The following SPTBN2 variants were observed in gnomAD, a reference collection of about 807,000 sequenced individuals.
SPTBN2 encodes spectrin beta, non-erythrocytic 2.
In SPTBN2, 107 loss-of-function variants were observed where a neutral mutation model predicts 284.2. The ratio of observed to expected loss-of-function variants is 0.38; its 90% CI spans 0.32 to 0.44. The LOEUF (loss-of-function observed/expected upper bound fraction) is 0.44, where lower values mean the gene tolerates loss of function less well. Ranked by LOEUF, SPTBN2 falls within the 20% of genes least tolerant of loss-of-function variation. The pLI is 1.00. For synonymous variants in SPTBN2, 1,289 were observed against 1,354.8 expected (o/e 0.95, Z 1.07); for missense variants, 2,569 against 3,287.1 (o/e 0.78, Z 5.34).
intron 37 of SPTBN2, 105 bp downstream of exon 37, chr11:66,686,293 A>G: frequency 6.6e-7 from 1 of 1,522,918 alleles, no homozygotes; most frequent in Non-Finnish European, 9.1e-7. Flanking sequence ...TCTTACCACA[A>G]AGGACAAGAC....
chr11:66,701,165 G>C lies in SPTBN2; in HGVS notation c.2934C>G (p.Thr978=), dbSNP rs777698637. 178 of 1,613,046 alleles carry C rather than the reference G, an allele frequency of 1.1e-4. No individual in the cohort carries two copies. The highest frequency in any genetic ancestry group is 1.4e-4 in the Non-Finnish European group (166 of 1,180,046). Residue 978 remains threonine (T), a synonymous_variant, in exon 17 of 38, where the codon ACC becomes ACG. Coordinates refer to ENST00000533211, the MANE Select transcript of SPTBN2 (RefSeq NM_006946.4). ...TETQAWMREK[T]KVIESTQGLG... ...GGCCCTGGGTGGACTCGATGACTTT[G>C]GTCTTCTCTCTCATCCAGGCCTGGG...
Position 66,693,998 on chromosome 11 carries a change from C to T in SPTBN2, c.4504-137G>A, listed in dbSNP as rs1370391957. On this transcript the variant is annotated intron_variant, in intron 22 of 37. Coordinates refer to ENST00000533211, the MANE Select transcript of SPTBN2 (RefSeq NM_006946.4). This position sits in a 1 kb window ranked among gnomAD's most constrained non-coding sequence, Gnocchi z 5.7. ...CATCTCTGGTTCTGGGAGGCATCTC[C>T]AAGTCTCCCTATAGGGGAGATGGTC... The T allele has an allele frequency of 1.1e-5, 14 of 1,319,056 alleles. No individual in the cohort carries two copies. The Admixed American group carries it at 2.5e-4, about 24-fold the overall frequency. The allele number at this position is 1,319,056 out of a possible 1,614,324, so 81.7% of individuals were successfully genotyped here.
At chr11:66,701,846 C>T in intron 15 of SPTBN2, 125 bp from the exon 16 acceptor site, 1 of 1,328,088 alleles carries the variant, frequency 7.5e-7, no homozygotes, top group Non-Finnish European at 1.1e-6. Flanking sequence ...CTGCAGGAGT[C>T]TCTCTGCCTC....
Position 66,688,753 on chromosome 11 carries a change from G to C in SPTBN2, c.6131C>G (p.Thr2044Arg). The C allele has an allele frequency of 6.2e-7, 1 of 1,613,396 alleles. No homozygotes were observed. The highest frequency in any genetic ancestry group is 1.1e-5 in the South Asian group (1 of 91,084). The part of the protein sequence containing the change: ...PLVRSAELGC[T>R]VDEVESLIKR... The stretch of plus-strand genomic sequence containing the variant: ...GATGAGGCTCTCAACTTCGTCGACC[G>C]TGCAACCCAGCTCAGCGCTGCGCAC... Residue 2044 changes from threonine to arginine, a missense_variant, in exon 31 of 38, where the codon ACG becomes AGG. Physicochemically the swap from Thr to Arg is moderately conservative, Grantham distance 71. Coordinates refer to ENST00000533211, the MANE Select transcript of SPTBN2 (RefSeq NM_006946.4).
In SPTBN2 at chr11:66,688,302, G is replaced by A. The variant is rs751766073; in HGVS notation, c.6241C>T (p.Arg2081Trp). The A allele has an allele frequency of 1.7e-5, 27 of 1,590,092 alleles. No individual in the cohort carries two copies. Among genetic ancestry groups the A allele is most frequent in the Middle Eastern group, 1.7e-4 (1 of 6,006 alleles). Residue 2081 changes from arginine to tryptophan, a missense_variant, in exon 32 of 38, where the codon CGG becomes TGG. Around this residue, in one of 6 missense-constraint regions of SPTBN2, gnomAD observed 1,130 missense variants for 1,317.3 expected, o/e 0.86. Transcript: ENST00000533211. ...ALEKLTALEE[R>W]EKERKRKREE... ...CTCTTTCTCTTTCGCTCCTTCTCCC[G>A]CTCCTCTAGCTGTCAAAAAATGCTG...
chr11:66,710,464 G>A lies in SPTBN2; in HGVS notation c.1073+118C>T. ...TATGTTGTTTGGATGCTTCTGGTGTGGGAAATCTCCACTGCATTTATGTAC... is the reference window on the plus strand; with the variant it reads ...TATGTTGTTTGGATGCTTCTGGTGTAGGAAATCTCCACTGCATTTATGTAC... On this transcript the variant is annotated intron_variant, in intron 10 of 37. Transcript: ENST00000533211. This position sits in a 1 kb window ranked among gnomAD's most constrained non-coding sequence, Gnocchi z 4.9. The A allele has an allele frequency of 2.0e-6, 2 of 1,007,274 alleles. No homozygotes were observed. The highest frequency in any genetic ancestry group is 1.4e-5 in the South Asian group (1 of 69,148). 62.4% of individuals were successfully genotyped at this position (1,007,274 alleles called of 1,614,324 possible). A position where few individuals can be genotyped will look rare whatever the true frequency, so the allele number is the denominator to read the frequency against.
intron 1 of SPTBN2, among the ~76,000 whole-genome samples, chr11:66,725,101 A>G (rs921819074): frequency 6.6e-6 from 1 of 152,156 alleles, no homozygotes; most frequent in Non-Finnish European, 1.5e-5. Flanking sequence ...CCTCTCTCCA[A>G]ATTGAATTTG....
At chr11:66,728,112 C>G (rs1942694454) in intron 1 of SPTBN2, 1 of 148,426 alleles carries the variant, frequency 6.7e-6, no homozygotes, top group Non-Finnish European at 1.5e-5. Flanking sequence ...CCGGACAAAG[C>G]GCGCCGCCCC....
At position 66,694,138 on chromosome 11, in the gene SPTBN2, C is replaced by T. The variant is rs759362790; in HGVS notation, c.4503+1G>A. 1 of 1,605,252 alleles carries T rather than the reference C, an allele frequency of 6.2e-7. No individual in the cohort carries two copies. Among genetic ancestry groups the T allele is most frequent in the Non-Finnish European group, 8.5e-7 (1 of 1,180,002 alleles). ...TGCCGTCCTTGGCCCCAGTGACTCA[C>T]AATCTCATCTTCCACATCGCGGTGG... On this transcript the variant is annotated splice_donor_variant, in intron 22 of 37. Transcript: ENST00000533211. LOFTEE classifies it high-confidence loss of function.
chr11:66,708,031 G>A lies in SPTBN2; in HGVS notation c.1350+110C>T, dbSNP rs571872761. On this transcript the variant is annotated intron_variant, in intron 12 of 37. Transcript: ENST00000533211. This position sits in a 1 kb window ranked among gnomAD's most constrained non-coding sequence, Gnocchi z 4.4. Reference sequence around the variant, plus strand: ...CCGGACCTCTAGGCCTTTTTACCCAGGTGACGGATTTTGTGTTTCATTGTC... The same window carrying A: ...CCGGACCTCTAGGCCTTTTTACCCAAGTGACGGATTTTGTGTTTCATTGTC... 45 of 1,557,928 alleles carry A rather than the reference G, an allele frequency of 2.9e-5. No individual in the cohort carries two copies. The East Asian group carries it at 8.8e-4, about 31-fold the overall frequency.
Position 66,718,877 on chromosome 11 carries a change from G to A in SPTBN2, c.157+2207C>T, listed in dbSNP as rs540160695. On this transcript the variant is annotated intron_variant, in intron 3 of 37. Transcript: ENST00000533211. The surrounding 1 kb of genome is among the most constrained non-coding windows in gnomAD (Gnocchi z 4.8). ...AACAGGTTGGACAGTGTTGGGGAGG[G>A]GAGAGAGGCGGAGTGTGGCCGGCGG... Among the ~76,000 whole-genome samples, 25 of 152,378 alleles carry A rather than the reference G, an allele frequency of 1.6e-4. No individual in the cohort carries two copies. Among genetic ancestry groups the A allele is most frequent in the African/African-American group, 5.3e-4 (22 of 41,590 alleles).
At chr11:66,695,446 A>G (rs896986923) in intron 21 of SPTBN2, among the ~76,000 whole-genome samples, 3 of 152,058 alleles carry the variant, frequency 2.0e-5, no homozygotes, top group African/African-American at 4.8e-5. Context: ...TTTTGTAGAG[A>G]TGGGGTTTTG....
Position 66,705,060 on chromosome 11 carries a change from C to A in SPTBN2, c.2216G>T (p.Arg739Leu), listed in dbSNP as rs372938259. ...WERLEALAEERAQRLAQAASL... is the reference protein window; with the variant it reads ...WERLEALAEELAQRLAQAASL... ...GGCGGCTTGGGCCAGCCGCTGGGCA[C>A]GCTCCTCGGCCAGGGCCTCTAGCCG... is the stretch of plus-strand genomic sequence containing the variant. The change falls in exon 15 of 38, where the codon CGT becomes CTT. Residue 739 changes from arginine (R) to leucine (L), a missense_variant. By Grantham distance (102) the Arg-to-Leu change is moderately radical. Around this residue, in one of 6 missense-constraint regions of SPTBN2, gnomAD observed 1,012 missense variants for 1,248.9 expected, o/e 0.81. Transcript: ENST00000533211. 1.9e-6 allele frequency: 3 copies of A among 1,592,818 alleles called. No individual in the cohort carries two copies. The highest frequency in any genetic ancestry group is 2.7e-5 in the African/African-American group (2 of 74,754).
chr11:66,690,300 C>T lies in SPTBN2; in HGVS notation c.5566-17G>A, dbSNP rs553453013. Reference sequence around the variant, plus strand: ...CTGCTGGACCTGCGGAGCCCCGGGTCAGAGTCAGGCAGAGCGGGGGACTCC... The same window carrying T: ...CTGCTGGACCTGCGGAGCCCCGGGTTAGAGTCAGGCAGAGCGGGGGACTCC... On this transcript the variant is annotated splice_polypyrimidine_tract_variant and intron_variant, in intron 27 of 37. Coordinates refer to ENST00000533211, the MANE Select transcript of SPTBN2 (RefSeq NM_006946.4). 1.3e-6 allele frequency: 2 copies of T among 1,588,746 alleles called. No individual in the cohort carries two copies.
At position 66,691,591 on chromosome 11, in the gene SPTBN2, C is replaced by T; in HGVS notation, c.5258G>A (p.Ser1753Asn). The part of the protein sequence containing the change: ...TSTIGQERVD[S>N]ANALANGLIA... ...GAGCCCATTGGCCAGCGCATTGGCGCTATCTACGCGCTCCTGACCGATGGT... is the reference window on the plus strand; with the variant it reads ...GAGCCCATTGGCCAGCGCATTGGCGTTATCTACGCGCTCCTGACCGATGGT... Residue 1753 changes from serine (S) to asparagine (N), a missense_variant, in exon 27 of 38, where the codon AGC (serine) becomes AAC (asparagine). Coordinates refer to ENST00000533211, the MANE Select transcript of SPTBN2 (RefSeq NM_006946.4). The surrounding 1 kb of genome is among the most constrained non-coding windows in gnomAD (Gnocchi z 8.0). 1 of 1,613,854 alleles carries T rather than the reference C, an allele frequency of 6.2e-7. No individual in the cohort carries two copies. The highest frequency in any genetic ancestry group is 8.5e-7 in the Non-Finnish European group (1 of 1,180,046).
chr11:66,716,068 A>T (rs1209651837), intron 3 of SPTBN2, 87 bp from the exon 4 acceptor site: 1 of 1,584,260 alleles, frequency 6.3e-7, no homozygotes, highest in East Asian at 2.2e-5. Flanking sequence ...GGGGATGGAG[A>T]AGCCTGAGAG....
Position 66,699,502 on chromosome 11 carries a change from C to T in SPTBN2, c.3680G>A (p.Arg1227Gln), listed in dbSNP as rs967441746. ...FMSTMDANGE[R>Q]IHGLLEAGRQ... ...GCCAGCCTCCAGGAGCCCGTGGATC[C>T]GTTCCCCATTGGCGTCCATGGTGCT... is the stretch of plus-strand genomic sequence containing the variant. Residue 1227 changes from arginine to glutamine, a missense_variant, in exon 18 of 38, where the codon CGG becomes CAG. Arg to Gln is a conservative substitution (Grantham distance 43). This residue lies in a region of SPTBN2 where 1,012 missense variants were observed against 1,248.9 expected (regional missense o/e 0.81). Transcript: ENST00000533211. 6.2e-7 allele frequency: 1 copy of T among 1,614,156 alleles called. No homozygotes were observed. The highest frequency in any genetic ancestry group is 8.5e-7 in the Non-Finnish European group (1 of 1,180,026).
In SPTBN2 at chr11:66,683,276, C is replaced by T. The variant is rs1180642148; in HGVS notation, c.*2595G>A. ...AGAGACGGGGTTTCACCGTTTTAGC[C>T]GGGATGGTCTCGATCTCCTGACCTC... On this transcript the variant is annotated 3_prime_UTR_variant, in exon 38 of 38. Coordinates refer to ENST00000533211, the MANE Select transcript of SPTBN2 (RefSeq NM_006946.4). Among the ~76,000 whole-genome samples the T allele has an allele frequency of 1.3e-5, 2 of 151,798 alleles. No homozygotes were observed. Among genetic ancestry groups the T allele is most frequent in the South Asian group, 2.1e-4 (1 of 4,808 alleles).
chr11:66,731,529 C>T (rs1942814376), upstream of SPTBN2, among the ~76,000 whole-genome samples: 1 of 152,140 alleles, frequency 6.6e-6, no homozygotes, highest in South Asian at 2.1e-4. Context: ...AAGAGGTGTC[C>T]CTCTTTTCAC....
Sources: gnomAD v4.1 joint callset for allele counts (sites outside exome capture counted in the v4.1 genomes callset) on GRCh38, gnomAD v4.1.1 for gene constraint, gnomAD v4.1.1 regional missense constraint, Gnocchi (gnomAD v3.1) non-coding constraint, MANE v1.5 for transcripts, NCBI Gene and HGNC (gene_info 2026-07-23, HGNC 2026-07-21) for gene names.